PODXL: variants seen among roughly 807,000 people sequenced by gnomAD.
PODXL encodes podocalyxin like.
PODXL carries 20 observed loss-of-function variants against 48.9 expected under a neutral mutation model. The ratio of observed to expected loss-of-function variants is 0.41; its 90% CI spans 0.29 to 0.59. The LOEUF (loss-of-function observed/expected upper bound fraction) is 0.59, where lower values mean the gene tolerates loss of function less well. PODXL is among the 20% of genes least tolerant of loss of function. The pLI, the probability that PODXL is intolerant of heterozygous loss-of-function variation, is 0.31. For missense variants in PODXL, 606 were observed against 675.1 expected, an observed-to-expected ratio of 0.90 and a Z score of 1.13; for synonymous variants, 295 against 287.4, an observed-to-expected ratio of 1.03 and a Z score of -0.27.
chr7:131,556,355 C>T lies in PODXL; in HGVS notation c.5G>A (p.Arg2His), dbSNP rs748939842. ...CAGCGCCGAGAGCGCCAGCGCGCAG[C>T]GCATCGTGTCGTCGCCTCTGGGCCG... Reference protein sequence around the residue: MRCALALSALLL... With the variant: MHCALALSALLL... The change falls in exon 1 of 9, where the codon CGC becomes CAC. Residue 2 changes from arginine to histidine, a missense_variant. Arg to His is a conservative substitution (Grantham distance 29, BLOSUM62 0). Transcript: ENST00000378555. 9 of 1,427,412 alleles carry T rather than the reference C, an allele frequency of 6.3e-6. No individual in the cohort carries two copies. Among genetic ancestry groups the T allele is most frequent in the Admixed American group, 2.7e-5 (1 of 36,762 alleles). 88.4% of individuals were successfully genotyped at this position (1,427,412 alleles called of 1,614,324 possible).
In PODXL at chr7:131,500,393, C is replaced by T. The variant is rs1797679047; in HGVS notation, c.*3918G>A. 1 of 152,630 alleles carries T rather than the reference C, an allele frequency of 6.6e-6. No homozygotes were observed. Among genetic ancestry groups the T allele is most frequent in the African/African-American group, 2.4e-5 (1 of 41,444 alleles). 9.5% of individuals were successfully genotyped at this position (152,630 alleles called of 1,614,324 possible). On this transcript the variant is annotated 3_prime_UTR_variant, in exon 9 of 9. Coordinates refer to ENST00000378555, the MANE Select transcript of PODXL (RefSeq NM_001018111.3). ...TTTCTCAGTAAATTCCAGTGTACTT[C>T]AGACCCCTGTCCACTAAGACATATA...
intron 1 of PODXL, among the ~76,000 whole-genome samples, chr7:131,530,094 G>A (rs542531429): frequency 6.6e-4 from 100 of 152,178 alleles, no homozygotes; most frequent in African/African-American, 2.3e-3. Context: ...GCTAGGACTC[G>A]GGAAGGGCCT....
chr7:131,521,569 G>C (rs115204695), intron 1 of PODXL, among the ~76,000 whole-genome samples: 15 of 152,096 alleles, frequency 9.9e-5, no homozygotes, highest in Non-Finnish European at 1.9e-4. Context: ...TCCTGACCTC[G>C]TGATGGACCC....
At chr7:131,520,939 G>A (rs371468299) in intron 1 of PODXL, among the ~76,000 whole-genome samples, 1 of 152,154 alleles carries the variant, frequency 6.6e-6, no homozygotes, top group African/African-American at 2.4e-5. Flanking sequence ...AGGCTGAGGC[G>A]GGCCGATCAC....
intron 1 of PODXL, among the ~76,000 whole-genome samples, chr7:131,532,123 A>AATC (rs1246306662): frequency 5.4e-5 from 8 of 147,946 alleles, no homozygotes; most frequent in African/African-American, 1.7e-4. Context: ...TAATAATAAT[A>AATC]ATCATCATCA....
At chr7:131,504,561 T>A in intron 8 of PODXL, 53 bp from the exon 9 acceptor site, 1 of 1,470,766 alleles carries the variant, frequency 6.8e-7, no homozygotes, top group Non-Finnish European at 9.5e-7. Context: ...GCTCTGAGCT[T>A]AATACAGCGC....
intron 1 of PODXL, among the ~76,000 whole-genome samples, chr7:131,513,019 A>G (rs1011316273): frequency 6.7e-6 from 1 of 149,178 alleles, no homozygotes; most frequent in East Asian, 2.0e-4. Flanking sequence ...AAAAAATCAC[A>G]TCCTACGCAG....
chr7:131,507,685 G>A (rs1797832680), intron 5 of PODXL, among the ~76,000 whole-genome samples: 1 of 92,848 alleles, frequency 1.1e-5, no homozygotes, highest in African/African-American at 3.9e-5. Context: ...AAAAAAAAGT[G>A]TCTCACAACA....
chr7:131,534,041 A>G (rs1798326886), intron 1 of PODXL, among the ~76,000 whole-genome samples: 1 of 139,010 alleles, frequency 7.2e-6, no homozygotes, highest in East Asian at 2.9e-4. Context: ...GCAGGGGGGA[A>G]GGAAAGGCAC....
intron 4 of PODXL, 80 bp downstream of exon 4, chr7:131,509,285 A>T: frequency 8.6e-7 from 1 of 1,164,636 alleles, no homozygotes; most frequent in Admixed American, 1.7e-5. Flanking sequence ...GCGTTGGAGG[A>T]AAGAACAGAA....
At chr7:131,547,087 C>T (rs1798590538) in intron 1 of PODXL, among the ~76,000 whole-genome samples, 1 of 152,102 alleles carries the variant, frequency 6.6e-6, no homozygotes, top group Non-Finnish European at 1.5e-5. Flanking sequence ...GAAATAAAAT[C>T]AACATGCCAG....
intron 1 of PODXL, among the ~76,000 whole-genome samples, chr7:131,549,624 G>A (rs540147747): frequency 1.3e-5 from 2 of 152,292 alleles, no homozygotes; most frequent in East Asian, 3.9e-4. Flanking sequence ...AAATCAGACA[G>A]CGTAGACCCC....
chr7:131,505,735 G>A lies in PODXL; in HGVS notation c.1479+133C>T, dbSNP rs550691579. ...TGTGGACTGAGGCGGCTGCCTATCA[G>A]GGGTGGCCTCTGCCTGTTAGAAAGG... On this transcript the variant is annotated intron_variant, in intron 8 of 8. Transcript: ENST00000378555. 3.8e-4 allele frequency: 302 copies of A among 785,674 alleles called. 1 individual carries two copies. The highest frequency in any genetic ancestry group is 4.9e-4 in the Non-Finnish European group (248 of 505,046). 48.7% of individuals were successfully genotyped at this position (785,674 alleles called of 1,614,324 possible).
intron 1 of PODXL, among the ~76,000 whole-genome samples, chr7:131,519,181 T>C (rs951752746): frequency 2.4e-4 from 36 of 152,356 alleles, no homozygotes; most frequent in African/African-American, 7.7e-4. Flanking sequence ...TACGCCACCC[T>C]TCAGGATATA....
chr7:131,521,315 T>A (rs1254567566), intron 1 of PODXL, among the ~76,000 whole-genome samples: 2 of 149,228 alleles, frequency 1.3e-5, no homozygotes, highest in Admixed American at 1.4e-4. Flanking sequence ...ATGGACAAAG[T>A]TCGTTAAGAA....
Position 131,504,335 on chromosome 7 carries a change from A to G in PODXL, c.1653T>C (p.Asp551=), listed in dbSNP as rs763831201. 74 of 1,613,974 alleles carry G rather than the reference A, an allele frequency of 4.6e-5. No homozygotes were observed. Among genetic ancestry groups the G allele is most frequent in the Non-Finnish European group, 7.6e-6 (9 of 1,180,026 alleles). ...ACTAGAGGTGTGTGTCTTCCTCCTC[A>G]TCCAGGTCGTCCTTGGTCAGGTTGT... ...PLDNLTKDDL[D]EEEDTHL is the part of the protein sequence containing the mutation. Residue 551 remains aspartate, a synonymous_variant, in exon 9 of 9, where the codon GAT becomes GAC. Transcript: ENST00000378555.
At chr7:131,538,637 T>C (rs997309044) in intron 1 of PODXL, among the ~76,000 whole-genome samples, 1 of 152,160 alleles carries the variant, frequency 6.6e-6, no homozygotes, top group Non-Finnish European at 1.5e-5. Flanking sequence ...CAATCGACGG[T>C]GCCACCCAAG....
intron 1 of PODXL, among the ~76,000 whole-genome samples, chr7:131,518,175 C>T (rs1056543989): frequency 2.0e-5 from 3 of 152,124 alleles, no homozygotes; most frequent in African/African-American, 7.2e-5. Context: ...TACCAGGTAC[C>T]AGAGATTAGG....
intron 2 of PODXL, 79 bp from the exon 3 acceptor site, chr7:131,510,410 CT>C (rs1469586926): frequency 3.8e-6 from 1 of 265,156 alleles, no homozygotes; most frequent in Non-Finnish European, 7.3e-6. Context: ...ACTCGGGAGG[CT>C]GAGGCAGGAG....
Sources: gnomAD v4.1 joint callset for allele counts (sites outside exome capture counted in the v4.1 genomes callset) on GRCh38, gnomAD v4.1.1 for gene constraint, MANE v1.5 for transcripts, NCBI Gene and HGNC (gene_info 2026-07-23, HGNC 2026-07-21) for gene names.